The following NCKAP5 variants were observed in gnomAD, a reference collection of about 807,000 sequenced individuals.
The protein encoded by NCKAP5 is NCK associated protein 5, also known as nck-associated protein 5.
NCKAP5 carries 92 observed loss-of-function variants against 167.0 expected under a neutral mutation model. The ratio of observed to expected loss-of-function variants is 0.55; its 90% CI spans 0.47 to 0.66. NCKAP5 has a LOEUF of 0.66. NCKAP5 is among the 30% of genes least tolerant of loss of function. The pLI, the probability that NCKAP5 is intolerant of heterozygous loss-of-function variation, is 0.00. For synonymous variants in NCKAP5, 891 were observed against 877.4 expected, an observed-to-expected ratio of 1.02 and a Z score of -0.27; for missense variants, 2,378 against 2,315.0, an observed-to-expected ratio of 1.03 and a Z score of -0.56.
rs1340757483 is a variant in NCKAP5 at position 132,851,067 on chromosome 2, C to T, written c.807+9425G>A. 7.9e-5 allele frequency among the ~76,000 whole-genome samples: 12 copies of T among 151,540 alleles called. No individual in the cohort carries two copies. The East Asian group carries it at 1.5e-3, about 20-fold the overall frequency. On this transcript the variant is annotated intron_variant, in intron 11 of 19. Coordinates refer to ENST00000409261, the MANE Select transcript of NCKAP5 (RefSeq NM_207363.3). Reference sequence around the variant, plus strand: ...TGTTCTTGATTTTGAGATGTTAGGCCGACAGTGATTGACAGAAACTGACCC... The same window carrying T: ...TGTTCTTGATTTTGAGATGTTAGGCTGACAGTGATTGACAGAAACTGACCC...
chr2:133,613,564 C>G, the NCKAP5 span, among the ~76,000 whole-genome samples: 1 of 152,162 alleles, frequency 6.6e-6, no homozygotes, highest in Non-Finnish European at 1.5e-5. Flanking sequence ...AGATATGAAA[C>G]AGAGTTGGAG....
rs115300798 is a variant in NCKAP5, at chr2:133,012,906, C to G, written c.342-18667G>C. On this transcript the variant is annotated intron_variant, in intron 6 of 19. Coordinates refer to ENST00000409261, the MANE Select transcript of NCKAP5 (RefSeq NM_207363.3). Reference sequence around the variant, plus strand: ...CAACATGGGCCCCACCAGCACCTTGCTCTCAGCACATCTACAGGTGCCAGT... The same window carrying G: ...CAACATGGGCCCCACCAGCACCTTGGTCTCAGCACATCTACAGGTGCCAGT... Among the ~76,000 whole-genome samples the G allele has an allele frequency of 5.1e-3, 774 of 152,296 alleles. 6 individuals carry two copies. Among genetic ancestry groups the G allele is most frequent in the African/African-American group, 0.017 (718 of 41,562 alleles).
At chr2:133,474,060 T>C (rs1011083960) in intron 3 of NCKAP5, among the ~76,000 whole-genome samples, 9 of 151,978 alleles carry the variant, frequency 5.9e-5, no homozygotes, top group Non-Finnish European at 8.8e-5. Flanking sequence ...ACAGACAAGA[T>C]AGGGAATCAA....
the NCKAP5 span, among the ~76,000 whole-genome samples, chr2:133,673,638 C>T: frequency 2.0e-5 from 3 of 152,284 alleles, no homozygotes; most frequent in African/African-American, 7.2e-5. Flanking sequence ...ATGGGTAAAA[C>T]TTTGCTGTTG....
intron 4 of NCKAP5, chr2:133,268,947 T>G (rs2089381706): frequency 1.3e-5 from 2 of 152,202 alleles, no homozygotes; most frequent in Non-Finnish European, 2.9e-5. Context: ...CTAATTTAAC[T>G]AACATTGTCC....
chr2:133,408,209 C>T (rs966385402), intron 3 of NCKAP5, among the ~76,000 whole-genome samples: 6 of 152,156 alleles, frequency 3.9e-5, no homozygotes. Flanking sequence ...TGAGGAGAGG[C>T]ACAGAAGCCT....
intron 6 of NCKAP5, among the ~76,000 whole-genome samples, chr2:133,006,143 C>A (rs1265496846): frequency 6.6e-6 from 1 of 151,990 alleles, no homozygotes; most frequent in Non-Finnish European, 1.5e-5. Context: ...CCTGTAGTCC[C>A]AGCTACTTGG....
chr2:133,039,592 A>G (rs532390307), intron 6 of NCKAP5, among the ~76,000 whole-genome samples: 1 of 152,252 alleles, frequency 6.6e-6, no homozygotes, highest in Admixed American at 6.5e-5. Context: ...GAGATCAAAG[A>G]CCATGAGATT....
chr2:133,100,527 G>A (rs940792676), intron 6 of NCKAP5, among the ~76,000 whole-genome samples: 4 of 152,144 alleles, frequency 2.6e-5, no homozygotes, highest in South Asian at 4.1e-4. Context: ...GTAGGGTAAT[G>A]TCACCTAGGT....
intron 3 of NCKAP5, among the ~76,000 whole-genome samples, chr2:133,330,397 GT>G (rs796073785): frequency 0.024 from 3,000 of 127,130 alleles, 85 homozygotes; most frequent in African/African-American, 0.077. Flanking sequence ...CATTGTTTTT[GT>G]TTTTTTTTTT....
At chr2:132,811,091 T>C (rs1685827310) in intron 11 of NCKAP5, among the ~76,000 whole-genome samples, 1 of 151,930 alleles carries the variant, frequency 6.6e-6, no homozygotes, top group African/African-American at 2.4e-5. Context: ...GTACTGGGGG[T>C]TGTCTGCACA....
At chr2:132,699,175 C>A (rs886744430) in intron 19 of NCKAP5, among the ~76,000 whole-genome samples, 11 of 152,144 alleles carry the variant, frequency 7.2e-5, no homozygotes, top group Non-Finnish European at 1.5e-4. Flanking sequence ...CAGCCTGCTC[C>A]TCCACTCTGC....
At chr2:133,340,041 C>G (rs1683467272) in intron 3 of NCKAP5, among the ~76,000 whole-genome samples, 1 of 152,194 alleles carries the variant, frequency 6.6e-6, no homozygotes, top group African/African-American at 2.4e-5. Flanking sequence ...TACAGACACT[C>G]TCTTCACTGG....
At chr2:132,712,356 T>G (rs1279852497) in intron 19 of NCKAP5, among the ~76,000 whole-genome samples, 1 of 152,168 alleles carries the variant, frequency 6.6e-6, no homozygotes, top group Non-Finnish European at 1.5e-5. Context: ...TGCTTAGAAC[T>G]ATGTTGGGAT....
intron 5 of NCKAP5, among the ~76,000 whole-genome samples, chr2:133,137,406 TTG>T (rs58955655): frequency 0.28 from 38,196 of 135,770 alleles, 5,100 homozygotes; most frequent in South Asian, 0.33. Flanking sequence ...GAGCTTGGTT[TTG>T]TGTGTGTGTG....
intron 5 of NCKAP5, among the ~76,000 whole-genome samples, chr2:133,156,198 GA>G (rs2083571680): frequency 6.6e-6 from 1 of 152,132 alleles, no homozygotes; most frequent in Non-Finnish European, 1.5e-5. Context: ...AAATTAGAGG[GA>G]AAACTCACCT....
At chr2:133,159,218 A>AAG (rs1246034603) in intron 5 of NCKAP5, among the ~76,000 whole-genome samples, 3 of 152,238 alleles carry the variant, frequency 2.0e-5, no homozygotes, top group South Asian at 2.1e-4. Flanking sequence ...TCAAGGACTG[A>AAG]AGAGAGGCCT....
intron 6 of NCKAP5, among the ~76,000 whole-genome samples, chr2:133,094,166 C>T (rs1036560892): frequency 3.3e-5 from 5 of 152,046 alleles, no homozygotes; most frequent in African/African-American, 9.7e-5. Context: ...TGAACATTGT[C>T]GCCGGATAAT....
intron 5 of NCKAP5, among the ~76,000 whole-genome samples, chr2:133,211,009 C>A (rs559211589): frequency 2.8e-4 from 42 of 150,316 alleles, no homozygotes; most frequent in African/African-American, 1.0e-3. Context: ...CCCCCCAACC[C>A]CATCACTTTT....
Sources: gnomAD v4.1 joint callset for allele counts (sites outside exome capture counted in the v4.1 genomes callset) on GRCh38, gnomAD v4.1.1 for gene constraint, MANE v1.5 for transcripts, NCBI Gene and HGNC (gene_info 2026-07-23, HGNC 2026-07-21) for gene names.